The following LAMA1 variants were observed in gnomAD, a reference collection of about 807,000 sequenced individuals.
The protein encoded by LAMA1 is laminin subunit alpha 1.
In LAMA1, 219 loss-of-function variants were observed where a neutral mutation model predicts 348.7. The ratio of observed to expected loss-of-function variants is 0.63; its 90% CI spans 0.56 to 0.70. The LOEUF (loss-of-function observed/expected upper bound fraction) is 0.70. Ranked by LOEUF, LAMA1 falls within the 30% of genes least tolerant of loss-of-function variation. The pLI is 0.00. For synonymous variants in LAMA1, 1,487 were observed against 1,491.0 expected (o/e 1.00, Z 0.06); for missense variants, 3,744 against 3,888.0 (o/e 0.96, Z 0.99).
At chr18:6,965,078 C>T (rs2057626401) in intron 50 of LAMA1, among the ~76,000 whole-genome samples, 1 of 152,146 alleles carries the variant, frequency 6.6e-6, no homozygotes, top group African/African-American at 2.4e-5. Context: ...TTAAATAACA[C>T]ACTTGGAAAT....
intron 59 of LAMA1, among the ~76,000 whole-genome samples, chr18:6,948,884 G>A (rs2057533931): frequency 6.6e-6 from 1 of 152,168 alleles, no homozygotes; most frequent in African/African-American, 2.4e-5. Flanking sequence ...CTGCGGAAAG[G>A]GAGATGTTCA....
chr18:6,954,894 C>A, intron 57 of LAMA1: 1 of 245,456 alleles, frequency 4.1e-6, no homozygotes, highest in East Asian at 1.0e-4. Flanking sequence ...CTTCCCTTGG[C>A]AGAAGGGTCC....
intron 3 of LAMA1, among the ~76,000 whole-genome samples, chr18:7,062,927 C>T (rs909613172): frequency 1.3e-5 from 2 of 152,140 alleles, no homozygotes; most frequent in Admixed American, 1.3e-4. Context: ...CTTCGCATGC[C>T]TTATTATGAG....
At chr18:7,037,863 G>A in intron 11 of LAMA1, 112 bp from the exon 12 acceptor site, 1 of 1,112,080 alleles carries the variant, frequency 9.0e-7, no homozygotes, top group Admixed American at 2.0e-5. Context: ...AGCTTCTCTA[G>A]GGATGGCATT....
chr18:6,984,462 G>A (rs1293178265), intron 39 of LAMA1, among the ~76,000 whole-genome samples: 2 of 152,100 alleles, frequency 1.3e-5, no homozygotes, highest in Non-Finnish European at 2.9e-5. Context: ...TCCCACATTT[G>A]CAGCACATTA....
intron 1 of LAMA1, among the ~76,000 whole-genome samples, chr18:7,093,635 C>G (rs955162426): frequency 6.6e-6 from 1 of 152,156 alleles, no homozygotes; most frequent in African/African-American, 2.4e-5. Flanking sequence ...AGGAAAAATG[C>G]TAACATGATC....
intron 18 of LAMA1, 140 bp from the exon 19 acceptor site, chr18:7,023,515 C>G: frequency 1.3e-6 from 1 of 752,368 alleles, no homozygotes; most frequent in South Asian, 1.5e-5. Flanking sequence ...TATGACTCCC[C>G]ACTCGGGCAT....
At chr18:6,951,410 T>C (rs1023734472) in intron 57 of LAMA1, among the ~76,000 whole-genome samples, 2 of 152,280 alleles carry the variant, frequency 1.3e-5, no homozygotes, top group South Asian at 2.1e-4. Flanking sequence ...CCTGAGGCCG[T>C]GGGGGAACCA....
rs76045013 is a variant in LAMA1 at position 6,945,625 on chromosome 18, C to A, written c.8844+1538G>T. 2.3e-4 allele frequency among the ~76,000 whole-genome samples: 35 copies of A among 152,296 alleles called. No individual in the cohort carries two copies. In the East Asian group the frequency reaches 6.8e-3, roughly 29 times the overall value. ...AGGTAGAGAGAGGACCAGAGAGACA[C>A]CATCCCTGATTCCCCATGGCCTCTG... On this transcript the variant is annotated intron_variant, in intron 61 of 62. Transcript: ENST00000389658.
chr18:7,047,882 T>TAATACAA (rs1195527683), intron 5 of LAMA1, among the ~76,000 whole-genome samples: 1 of 152,086 alleles, frequency 6.6e-6, no homozygotes, highest in Non-Finnish European at 1.5e-5. Context: ...TCACAAAAAT[T>TAATACAA]AATACAAAAT....
At chr18:7,115,669 T>TAA (rs111749663) in intron 1 of LAMA1, among the ~76,000 whole-genome samples, 9 of 137,472 alleles carry the variant, frequency 6.5e-5, no homozygotes, top group African/African-American at 1.6e-4. Flanking sequence ...AATCGTTTCT[T>TAA]AAAAAAAAAA....
chr18:7,101,261 T>C (rs924604058), intron 1 of LAMA1, among the ~76,000 whole-genome samples: 1 of 152,176 alleles, frequency 6.6e-6, no homozygotes, highest in African/African-American at 2.4e-5. Context: ...TATACTACAA[T>C]AAAACTGTTA....
At chr18:6,978,129 G>T in intron 43 of LAMA1, 67 bp downstream of exon 43, 1 of 1,590,174 alleles carries the variant, frequency 6.3e-7, no homozygotes, top group Non-Finnish European at 8.6e-7. Flanking sequence ...GCACCACTGT[G>T]TGCTTAGCTA....
chr18:6,947,431 T>A, intron 60 of LAMA1, 135 bp from the exon 61 acceptor site: 1 of 999,490 alleles, frequency 1.0e-6, no homozygotes, highest in South Asian at 1.4e-5. Context: ...CACCAGCAGG[T>A]CACTCCTGCC....
chr18:7,044,697 A>G (rs568312416), intron 7 of LAMA1, 25 bp downstream of exon 7: 1 of 1,560,248 alleles, frequency 6.4e-7, no homozygotes, highest in South Asian at 1.1e-5. Flanking sequence ...AACTGTACTG[A>G]CCTTCAGATT....
Position 6,942,079 on chromosome 18 carries a change from T to G in LAMA1, c.9228A>C (p.Ter3076CysextTer12). 1 of 1,614,176 alleles carries G rather than the reference T, an allele frequency of 6.2e-7. No homozygotes were observed. The highest frequency in any genetic ancestry group is 1.3e-5 in the African/African-American group (1 of 75,066). Reference protein sequence around the residue: ...FLHSCPGTES* With the variant: ...FLHSCPGTESC ...TCCAACTGAGGATTCTGCTTGAAGTTCAGGACTCGGTCCCAGGACAGGAAT... is the reference window on the plus strand; with the variant it reads ...TCCAACTGAGGATTCTGCTTGAAGTGCAGGACTCGGTCCCAGGACAGGAAT... The change falls in exon 63 of 63, where the codon TGA (stop) becomes TGC (cysteine). Residue 3076 changes from the stop codon to cysteine (C), a stop_lost. Coordinates refer to ENST00000389658, the MANE Select transcript of LAMA1 (RefSeq NM_005559.4).
chr18:6,961,209 T>C (rs2057605604), intron 53 of LAMA1, among the ~76,000 whole-genome samples: 1 of 152,218 alleles, frequency 6.6e-6, no homozygotes, highest in African/African-American at 2.4e-5. Context: ...AAAGTCTTGC[T>C]TCATCCAGCA....
At chr18:7,097,985 T>A (rs28548125) in intron 1 of LAMA1, among the ~76,000 whole-genome samples, 12 of 147,496 alleles carry the variant, frequency 8.1e-5, no homozygotes, top group African/African-American at 2.7e-4. Flanking sequence ...TCAGCCTGCC[T>A]AGTGCCTGCG....
At chr18:6,997,219 A>G (rs768740522) in intron 33 of LAMA1, among the ~76,000 whole-genome samples, 1 of 152,022 alleles carries the variant, frequency 6.6e-6, no homozygotes, top group African/African-American at 2.4e-5. Flanking sequence ...ACGCGCCACC[A>G]CATCCAGCTA....
Sources: gnomAD v4.1 joint callset for allele counts (sites outside exome capture counted in the v4.1 genomes callset) on GRCh38, gnomAD v4.1.1 for gene constraint, MANE v1.5 for transcripts, NCBI Gene and HGNC (gene_info 2026-07-23, HGNC 2026-07-21) for gene names.